PRKDC: variants seen among roughly 807,000 people sequenced by gnomAD.
PRKDC encodes the protein DNA-dependent protein kinase catalytic subunit.
In PRKDC, 82 loss-of-function variants were observed where a neutral mutation model predicts 486.9. The observed-to-expected ratio is 0.17, with a 90% CI of 0.14 to 0.20. The LOEUF is 0.20. Among genes scored for constraint, PRKDC ranks in the 10% least tolerant of loss-of-function variants. The pLI, the probability that PRKDC is intolerant of heterozygous loss-of-function variation, is 1.00. For missense variants in PRKDC, 4,504 were observed against 5,038.2 expected (o/e 0.89, Z 3.21); for synonymous variants, 1,895 against 1,837.0 (o/e 1.03, Z -0.81).
intron 1 of PRKDC, among the ~76,000 whole-genome samples, chr8:47,958,652 G>C (rs1336877671): frequency 6.6e-6 from 1 of 151,712 alleles, no homozygotes; most frequent in Non-Finnish European, 1.5e-5. Flanking sequence ...ATCACGCAAT[G>C]TTAGTTTTTT....
At chr8:47,789,840 T>C (rs1433922806) in intron 74 of PRKDC, among the ~76,000 whole-genome samples, 1 of 152,138 alleles carries the variant, frequency 6.6e-6, no homozygotes, top group African/African-American at 2.4e-5. Flanking sequence ...TAACGGATGT[T>C]GAAAAAGCAT....
At chr8:47,852,490 C>G (rs1375877153) in intron 52 of PRKDC, among the ~76,000 whole-genome samples, 183 bp downstream of exon 52, 2 of 152,138 alleles carry the variant, frequency 1.3e-5, no homozygotes. Context: ...AAATCATGTG[C>G]CCTCTCTAAA....
intron 85 of PRKDC, 46 bp from the exon 86 acceptor site, chr8:47,774,423 C>T: frequency 1.0e-5 from 16 of 1,555,476 alleles, no homozygotes; most frequent in Non-Finnish European, 1.4e-5. Context: ...GTGTCATTGT[C>T]CTTTGTTGCC....
intron 40 of PRKDC, among the ~76,000 whole-genome samples, chr8:47,871,087 GA>G (rs2154501013): frequency 6.6e-6 from 1 of 152,280 alleles, no homozygotes; most frequent in African/African-American, 2.4e-5. Context: ...ACAAGATCTA[GA>G]AAAGAGCCTC....
chr8:47,956,060 G>T (rs1010456699), intron 3 of PRKDC, 112 bp from the exon 4 acceptor site: 1 of 802,128 alleles, frequency 1.2e-6, no homozygotes, highest in Non-Finnish European at 2.0e-6. Flanking sequence ...TCAGTATTTA[G>T]CTGTGGAAAA....
intron 21 of PRKDC, among the ~76,000 whole-genome samples, chr8:47,923,847 A>G (rs1372624564): frequency 6.6e-6 from 1 of 152,226 alleles, no homozygotes; most frequent in Non-Finnish European, 1.5e-5. Flanking sequence ...TGGACTAGCC[A>G]ACACCTTGAA....
chr8:47,900,957 G>C (rs2089670164), intron 27 of PRKDC, among the ~76,000 whole-genome samples: 1 of 151,644 alleles, frequency 6.6e-6, no homozygotes, highest in African/African-American at 2.4e-5. Context: ...AGACCAGCCT[G>C]GGCAACAAAG....
intron 10 of PRKDC, among the ~76,000 whole-genome samples, chr8:47,940,745 A>G (rs1396309550): frequency 6.6e-6 from 1 of 152,240 alleles, no homozygotes; most frequent in Non-Finnish European, 1.5e-5. Context: ...TCCTGGATAT[A>G]GTATTAAAGA....
At chr8:47,959,699 C>A (rs950617330) in intron 1 of PRKDC, among the ~76,000 whole-genome samples, 3 of 151,888 alleles carry the variant, frequency 2.0e-5, no homozygotes, top group Non-Finnish European at 4.4e-5. Context: ...AAAATTATTT[C>A]TCTTGCCCTG....
In PRKDC at chr8:47,897,294, T is replaced by A. The variant is rs756110850; in HGVS notation, c.3465A>T (p.Arg1155=). The change falls in exon 30 of 86, where the codon CGA becomes CGT. Residue 1155 remains arginine, a splice_region_variant and synonymous_variant. Transcript: ENST00000314191. ...LNKAKKRRLP[R]GFPPSASLCL... ...ACAATGATGCGGAAGGTGGAAATCC[T>A]CTGCACAGAGACAGCATACTGTCAT... is the stretch of plus-strand genomic sequence containing the variant. 2 of 1,579,484 alleles carry A rather than the reference T, an allele frequency of 1.3e-6. No homozygotes were observed. Among genetic ancestry groups the A allele is most frequent in the Non-Finnish European group, 8.7e-7 (1 of 1,154,830 alleles).
Position 47,842,421 on chromosome 8 carries a change from G to A in PRKDC, c.7281-2232C>T, listed in dbSNP as rs185593121. The stretch of plus-strand genomic sequence containing the variant: ...CCATCACCTGTGAAACCCAATGCAG[G>A]AACCTAGAGAGATCCTATACAGGAG... On this transcript the variant is annotated intron_variant, in intron 54 of 85. Transcript: ENST00000314191. Among the ~76,000 whole-genome samples the A allele has an allele frequency of 4.6e-5, 7 of 152,124 alleles. No homozygotes were observed. The East Asian group carries it at 1.4e-3, about 29-fold the overall frequency.
At chr8:47,955,378 C>T (rs934142294) in intron 4 of PRKDC, among the ~76,000 whole-genome samples, 4 of 135,988 alleles carry the variant, frequency 2.9e-5, no homozygotes, top group Admixed American at 8.0e-5. Context: ...AGGAGAATGG[C>T]GTGAACCCGG....
In PRKDC at chr8:47,788,993, G is replaced by GT. The variant is rs1284489077; in HGVS notation, c.10814dup (p.Asn3605LysfsTer3). ...ACATTCTTTCATACATTTTTTCAATGTTTTTTTTATTTACAGGGGTTTTTG... is the reference window on the plus strand; with the variant it reads ...ACATTCTTTCATACATTTTTTCAATGTTTTTTTTTATTTACAGGGGTTTTTG... On this transcript the variant is annotated frameshift_variant, in exon 76 of 86. Transcript: ENST00000314191. LOFTEE classifies it high-confidence loss of function. 1.9e-6 allele frequency: 3 copies of GT among 1,612,390 alleles called. No homozygotes were observed. Among genetic ancestry groups the GT allele is most frequent in the Non-Finnish European group, 2.5e-6 (3 of 1,179,258 alleles).
chr8:47,782,498 C>A lies in PRKDC; in HGVS notation c.11276G>T (p.Arg3759Leu), dbSNP rs745385113. The A allele has an allele frequency of 3.8e-6, 6 of 1,577,532 alleles. No homozygotes were observed. The highest frequency in any genetic ancestry group is 1.8e-5 in the Admixed American group (1 of 54,406). Residue 3759 changes from arginine to leucine, a missense_variant, in exon 79 of 86, where the codon CGG (arginine) becomes CTG (leucine). Arg to Leu is a moderately radical substitution (Grantham distance 102, BLOSUM62 -2). Around this residue, in one of 6 missense-constraint regions of PRKDC, gnomAD observed 706 missense variants for 945.0 expected, o/e 0.75. Coordinates refer to ENST00000314191, the MANE Select transcript of PRKDC (RefSeq NM_006904.7). This position sits in a 1 kb window ranked among gnomAD's most constrained non-coding sequence, Gnocchi z 4.9. ...GAGCTGCTCCACGCGCTGGTCCTGC[C>A]GCAGGTCCTCGCCACCCTTCACCAG... ...PFLVKGGEDL[R>L]QDQRVEQLFQ...
In PRKDC at chr8:47,831,915, G is replaced by A. The variant is rs753541454; in HGVS notation, c.8164C>T (p.Arg2722Trp). 1.4e-5 allele frequency: 23 copies of A among 1,612,140 alleles called. No individual in the cohort carries two copies. The highest frequency in any genetic ancestry group is 2.2e-5 in the South Asian group (2 of 91,008). The change falls in exon 60 of 86, where the codon CGG (arginine) becomes TGG (tryptophan). Residue 2722 changes from arginine to tryptophan, a missense_variant. This residue lies in a region of PRKDC where 1,592 missense variants were observed against 1,724.6 expected (regional missense o/e 0.92). Transcript: ENST00000314191. ...CTGCGCAGTCGTAGTAGGTCCGTCC[G>A]GCCGGCCGCACCTGGAGAGGGAAAG... is the stretch of plus-strand genomic sequence containing the variant. ...VDNKVKGAAG[R>W]TDLLRLRRRF...
At chr8:47,886,197 G>A in intron 35 of PRKDC, 50 bp from the exon 36 acceptor site, 1 of 1,435,316 alleles carries the variant, frequency 7.0e-7, no homozygotes, top group Non-Finnish European at 9.3e-7. Flanking sequence ...TCTTTGCATG[G>A]CACAGAAAGA....
chr8:47,883,515 C>A (rs1196699356), intron 36 of PRKDC, among the ~76,000 whole-genome samples: 2 of 152,224 alleles, frequency 1.3e-5, no homozygotes, highest in African/African-American at 4.8e-5. Flanking sequence ...CTCCTGACCC[C>A]TGCCCTCCGG....
intron 30 of PRKDC, among the ~76,000 whole-genome samples, chr8:47,894,987 G>A (rs375710951): frequency 1.2e-4 from 19 of 152,190 alleles, no homozygotes; most frequent in African/African-American, 4.3e-4. Flanking sequence ...GGGGCAGGAG[G>A]ATCACTTAAG....
At chr8:47,952,560 A>C (rs548162497) in intron 7 of PRKDC, among the ~76,000 whole-genome samples, 81 of 152,328 alleles carry the variant, frequency 5.3e-4, no homozygotes, top group Non-Finnish European at 2.5e-4. Flanking sequence ...CACGTGACAG[A>C]ATTACACAAA....
Sources: gnomAD v4.1 joint callset for allele counts (sites outside exome capture counted in the v4.1 genomes callset) on GRCh38, gnomAD v4.1.1 for gene constraint, gnomAD v4.1.1 regional missense constraint, Gnocchi (gnomAD v3.1) non-coding constraint, MANE v1.5 for transcripts, NCBI Gene and HGNC (gene_info 2026-07-23, HGNC 2026-07-21) for gene names.